Variants in PLCD4 observed in about 807,000 individuals in gnomAD.
The protein encoded by PLCD4 is 1-phosphatidylinositol 4,5-bisphosphate phosphodiesterase delta-4.
In PLCD4, 63 loss-of-function variants were observed where a neutral mutation model predicts 90.2. The observed-to-expected ratio is 0.70, with a 90% CI of 0.57 to 0.86. The LOEUF is 0.86. Among genes scored for constraint, PLCD4 ranks in the 40% least tolerant of loss-of-function variants. PLCD4 has a pLI of 0.00. For synonymous variants in PLCD4, 294 were observed against 356.5 expected (o/e 0.82, Z 1.97); for missense variants, 830 against 956.3 (o/e 0.87, Z 1.74).
At chr2:218,616,884 T>C (rs1387501850) in intron 3 of PLCD4, among the ~76,000 whole-genome samples, 2 of 102,222 alleles carry the variant, frequency 2.0e-5, no homozygotes, top group Non-Finnish European at 4.1e-5. Flanking sequence ...ATTTAATGAA[T>C]GTTAGCCATT....
At chr2:218,630,887 T>G in intron 9 of PLCD4, 85 bp downstream of exon 9, 1 of 1,380,462 alleles carries the variant, frequency 7.2e-7, no homozygotes, top group Non-Finnish European at 9.7e-7. Flanking sequence ...CCCCTCTTTG[T>G]TCCCTTCTTT....
At chr2:218,621,137 G>A (rs964716100) in intron 4 of PLCD4, among the ~76,000 whole-genome samples, 1 of 152,102 alleles carries the variant, frequency 6.6e-6, no homozygotes, top group Admixed American at 6.6e-5. Flanking sequence ...TCACCATGTT[G>A]GCCAGGCTGG....
At position 218,636,324 on chromosome 2, in the gene PLCD4, A is replaced by G; in HGVS notation, c.2114A>G (p.Asp705Gly). 1 of 1,614,032 alleles carries G rather than the reference A, an allele frequency of 6.2e-7. No homozygotes were observed. The highest frequency in any genetic ancestry group is 8.5e-7 in the Non-Finnish European group (1 of 1,179,902). The change falls in exon 15 of 16, where the codon GAT becomes GGT. Residue 705 changes from aspartate (D) to glycine (G), a missense_variant. Transcript: ENST00000450993. ...GCCATGCTGCGTTTTGTGGTAATGG[A>G]TTATGACTGGAAATCCCGAAATGAC... Reference protein sequence around the residue: ...ELAMLRFVVMDYDWKSRNDFI... With the variant: ...ELAMLRFVVMGYDWKSRNDFI...
At chr2:218,635,278 A>G (rs1304203773) in intron 13 of PLCD4, among the ~76,000 whole-genome samples, 1 of 152,078 alleles carries the variant, frequency 6.6e-6, no homozygotes, top group Non-Finnish European at 1.5e-5. Context: ...TGAAAAAAAA[A>G]AAGTGGCTGC....
At chr2:218,630,918 T>C (rs1450607080) in intron 9 of PLCD4, 116 bp downstream of exon 9, 9 of 1,170,232 alleles carry the variant, frequency 7.7e-6, no homozygotes, top group Middle Eastern at 5.8e-4. Flanking sequence ...ATGGACCATC[T>C]TGCTCTTTAA....
At chr2:218,613,164 G>T (rs1346030777) in intron 1 of PLCD4, among the ~76,000 whole-genome samples, 3 of 152,094 alleles carry the variant, frequency 2.0e-5, no homozygotes, top group African/African-American at 7.2e-5. Context: ...GTCGAGGCGG[G>T]TGGATCACCT....
At chr2:218,623,843 C>T (rs1188915518) in intron 6 of PLCD4, among the ~76,000 whole-genome samples, 4 of 152,244 alleles carry the variant, frequency 2.6e-5, no homozygotes, top group South Asian at 2.1e-4. Flanking sequence ...CCACCACGCC[C>T]GGCTAATTTT....
chr2:218,623,929 C>T (rs1344554168), intron 6 of PLCD4, among the ~76,000 whole-genome samples: 2 of 152,166 alleles, frequency 1.3e-5, no homozygotes, highest in African/African-American at 2.4e-5. Flanking sequence ...GTGATCCACC[C>T]GCCTCAACCT....
chr2:218,614,793 G>A (rs1695506008), intron 1 of PLCD4, among the ~76,000 whole-genome samples: 1 of 152,076 alleles, frequency 6.6e-6, no homozygotes, highest in Non-Finnish European at 1.5e-5. Flanking sequence ...TTGGTAGGTA[G>A]AGAAAATTTG....
chr2:218,629,314 G>A (rs864990), intron 7 of PLCD4: 291,326 of 528,264 alleles, frequency 0.55, 86,461 homozygotes, highest in East Asian at 0.79. Context: ...ACTGTGAGTC[G>A]GGTGGGCTGA....
intron 13 of PLCD4, among the ~76,000 whole-genome samples, chr2:218,635,079 T>C (rs1409902047): frequency 3.3e-5 from 5 of 151,798 alleles, no homozygotes; most frequent in Non-Finnish European, 7.4e-5. Flanking sequence ...TTTAAAAATT[T>C]TGTAGAGACT....
chr2:218,630,312 A>C (rs73077186), intron 8 of PLCD4, among the ~76,000 whole-genome samples: 2,852 of 152,346 alleles, frequency 0.019, 96 homozygotes, highest in African/African-American at 0.065. Flanking sequence ...TGAAAGCATG[A>C]GAGTGCAACA....
intron 7 of PLCD4, chr2:218,629,296 A>T: frequency 1.9e-6 from 1 of 513,516 alleles, no homozygotes; most frequent in Non-Finnish European, 3.5e-6. Flanking sequence ...ATGGATTGCT[A>T]TGGAAGGACT....
chr2:218,613,250 G>A (rs1473888084), intron 1 of PLCD4, among the ~76,000 whole-genome samples: 1 of 151,956 alleles, frequency 6.6e-6, no homozygotes, highest in Non-Finnish European at 1.5e-5. Context: ...AATTAGCTGG[G>A]TGTGGTGATG....
rs745599881 is a variant in PLCD4 at position 218,618,672 on chromosome 2, C to G, written c.275C>G (p.Thr92Ser). The change falls in exon 4 of 16, where the codon ACC (threonine) becomes AGC (serine). Residue 92 changes from threonine to serine, a missense_variant. Physicochemically the swap from Thr to Ser is moderately conservative, Grantham distance 58. Coordinates refer to ENST00000450993, the MANE Select transcript of PLCD4 (RefSeq NM_032726.4). ...GAGCTCCCCCTGGAGCAGGGCTTCACCATTGTCTTCCATGGCCGCCGCTCC... is the reference window on the plus strand; with the variant it reads ...GAGCTCCCCCTGGAGCAGGGCTTCAGCATTGTCTTCCATGGCCGCCGCTCC... ...AEELPLEQGF[T>S]IVFHGRRSNL... The G allele has an allele frequency of 5.0e-6, 8 of 1,613,942 alleles. No individual in the cohort carries two copies. The South Asian group carries it at 7.7e-5, about 16-fold the overall frequency.
At position 218,622,871 on chromosome 2, in the gene PLCD4, A is replaced by G. The variant is rs748293763; in HGVS notation, c.765A>G (p.Ser255=). ...AACTCATTGACCGCTATGAACCTTCAGACAGTGGTAAGAGAAATCAGGTGG... is the reference window on the plus strand; with the variant it reads ...AACTCATTGACCGCTATGAACCTTCGGACAGTGGTAAGAGAAATCAGGTGG... ...ALELIDRYEP[S]DSGKLRHVLS... Residue 255 remains serine, a synonymous_variant, in exon 6 of 16, where the codon TCA becomes TCG. Coordinates refer to ENST00000450993, the MANE Select transcript of PLCD4 (RefSeq NM_032726.4). 1.2e-6 allele frequency: 2 copies of G among 1,613,338 alleles called. No homozygotes were observed. Among genetic ancestry groups the G allele is most frequent in the East Asian group, 2.2e-5 (1 of 44,884 alleles).
At chr2:218,626,728 T>C (rs906369965) in intron 6 of PLCD4, among the ~76,000 whole-genome samples, 1 of 152,122 alleles carries the variant, frequency 6.6e-6, no homozygotes, top group Non-Finnish European at 1.5e-5. Context: ...TCTAAGGAGA[T>C]GTTGACAAAT....
Position 218,636,817 on chromosome 2 carries a change from T to A in PLCD4, c.*240T>A, listed in dbSNP as rs1483466369. 1.7e-6 allele frequency: 1 copy of A among 585,754 alleles called. No individual in the cohort carries two copies. The highest frequency in any genetic ancestry group is 1.8e-5 in the African/African-American group (1 of 54,288). The allele number at this position is 585,754 out of a possible 1,614,324, so 36.3% of individuals were successfully genotyped here. On this transcript the variant is annotated 3_prime_UTR_variant, in exon 16 of 16. Transcript: ENST00000450993. ...TTGGTATCTTTCCTGCCCTTTTCCT[T>A]TGTGTACTCTATACTGGAGTTCCCT...
rs1476167575 is a variant in PLCD4 at position 218,636,155 on chromosome 2, A to G, written c.2033-88A>G. On this transcript the variant is annotated intron_variant, in intron 14 of 15. Coordinates refer to ENST00000450993, the MANE Select transcript of PLCD4 (RefSeq NM_032726.4). ...CCTTACCTGTAAAATGCTGATTGCC[A>G]TCTAGATTAAATGAGAACACAAGAA... is the stretch of plus-strand genomic sequence containing the variant. 2.8e-6 allele frequency: 4 copies of G among 1,452,018 alleles called. No individual in the cohort carries two copies. The African/African-American group carries it at 5.6e-5, about 20-fold the overall frequency. 89.9% of individuals were successfully genotyped at this position (1,452,018 alleles called of 1,614,324 possible). A position where few individuals can be genotyped will look rare whatever the true frequency, so the allele number is the denominator to read the frequency against.
Sources: allele counts gnomAD v4.1 joint callset (sites outside exome capture counted in the v4.1 genomes callset), GRCh38; gene constraint gnomAD v4.1.1; transcripts MANE v1.5; gene names NCBI Gene and HGNC (gene_info 2026-07-23, HGNC 2026-07-21).